Variants in IGSF3 observed in about 807,000 individuals in gnomAD.
IGSF3 encodes the protein immunoglobulin superfamily member 3, also known as glu-Trp-Ile EWI motif-containing protein 3.
IGSF3 carries 23 observed loss-of-function variants against 114.4 expected under a neutral mutation model. The observed-to-expected ratio is 0.20, with a 90% CI of 0.14 to 0.28. The LOEUF (loss-of-function observed/expected upper bound fraction) is 0.28, where lower values mean the gene tolerates loss of function less well. Ranked by LOEUF, IGSF3 falls within the 10% of genes least tolerant of loss-of-function variation. The pLI is 1.00. For synonymous variants in IGSF3, 571 were observed against 645.2 expected (o/e 0.88, Z 1.74); for missense variants, 1,172 against 1,591.5 (o/e 0.74, Z 4.48).
chr1:116,611,111 C>A (rs1410624806), intron 4 of IGSF3, among the ~76,000 whole-genome samples: 1 of 152,202 alleles, frequency 6.6e-6, no homozygotes, highest in African/African-American at 2.4e-5. Context: ...CTCTTTTCTA[C>A]CTGGTCTCTT....
rs1407423793 is a variant in IGSF3, at chr1:116,636,958, T to C, written c.44-20501A>G. Reference sequence around the variant, plus strand: ...CTTGACATTCTTTCAAATCAGGGCATTTTATCTAGAAATTATAAAAAATTG... The same window carrying C: ...CTTGACATTCTTTCAAATCAGGGCACTTTATCTAGAAATTATAAAAAATTG... On this transcript the variant is annotated intron_variant, in intron 2 of 10. Coordinates refer to ENST00000369486, the MANE Select transcript of IGSF3 (RefSeq NM_001007237.3). The surrounding 1 kb of genome is among the most constrained non-coding windows in gnomAD (Gnocchi z 4.5). Among the ~76,000 whole-genome samples the C allele has an allele frequency of 6.6e-6, 1 of 152,244 alleles. No individual in the cohort carries two copies. The highest frequency in any genetic ancestry group is 2.4e-5 in the African/African-American group (1 of 41,466).
intron 7 of IGSF3, 108 bp downstream of exon 7, chr1:116,599,833 A>T: frequency 4.3e-6 from 4 of 929,608 alleles, no homozygotes; most frequent in Non-Finnish European, 6.4e-6. Context: ...CTAAATGAAG[A>T]GCTGGGAAAG....
chr1:116,666,142 T>A (rs1292275249), intron 2 of IGSF3, 142 bp downstream of exon 2: 2 of 781,658 alleles, frequency 2.6e-6, no homozygotes, highest in East Asian at 2.5e-5. Flanking sequence ...CTTCGTACTC[T>A]ACTCCAACCT....
rs538069470 is a variant in IGSF3 at position 116,612,137 on chromosome 1, T to A, written c.832+1628A>T. ...GATTAAAATAAAGAAGATTAACTGA[T>A]GCAACCTAATTTAAAAGCATTAAGA... On this transcript the variant is annotated intron_variant, in intron 4 of 10. Transcript: ENST00000369486. This position sits in a 1 kb window ranked among gnomAD's most constrained non-coding sequence, Gnocchi z 4.1. Among the ~76,000 whole-genome samples, 1 of 151,616 alleles carries A rather than the reference T, an allele frequency of 6.6e-6. No homozygotes were observed. The highest frequency in any genetic ancestry group is 1.5e-5 in the Non-Finnish European group (1 of 68,026).
In IGSF3 at chr1:116,607,799, C is replaced by T; in HGVS notation, c.1222+143G>A. The stretch of plus-strand genomic sequence containing the variant: ...TGGGCTACAACAGGGAAGAGAGGCT[C>T]AATGGTTTTTCCCCCAGCTCTGCAT... On this transcript the variant is annotated intron_variant, in intron 5 of 10. Transcript: ENST00000369486. This position sits in a 1 kb window ranked among gnomAD's most constrained non-coding sequence, Gnocchi z 6.1. 1 of 791,620 alleles carries T rather than the reference C, an allele frequency of 1.3e-6. No individual in the cohort carries two copies. Among genetic ancestry groups the T allele is most frequent in the Non-Finnish European group, 2.1e-6 (1 of 478,456 alleles). The allele number at this position is 791,620 out of a possible 1,614,324, so 49.0% of individuals were successfully genotyped here. A position where few individuals can be genotyped will look rare whatever the true frequency, so the allele number is the denominator to read the frequency against.
rs1465492939 is a variant in IGSF3, at chr1:116,651,847, GTAAT to G, written c.43+14433_43+14436del. On this transcript the variant is annotated intron_variant, in intron 2 of 10. Transcript: ENST00000369486. The surrounding 1 kb of genome is among the most constrained non-coding windows in gnomAD (Gnocchi z 4.4). ...AAAAGTACAATCCAACTTCAGGATTGTAATTAATTATAAATGCATTTATTTGTTT... is the reference window on the plus strand; with the variant it reads ...AAAAGTACAATCCAACTTCAGGATTGTAATTATAAATGCATTTATTTGTTT... Among the ~76,000 whole-genome samples, 1 of 152,150 alleles carries G rather than the reference GTAAT, an allele frequency of 6.6e-6. No homozygotes were observed. Among genetic ancestry groups the G allele is most frequent in the Non-Finnish European group, 1.5e-5 (1 of 68,040 alleles).
chr1:116,577,277 C>A lies in IGSF3; in HGVS notation c.*35G>T. The A allele has an allele frequency of 6.2e-7, 1 of 1,608,168 alleles. No homozygotes were observed. Among genetic ancestry groups the A allele is most frequent in the Non-Finnish European group, 8.5e-7 (1 of 1,176,724 alleles). ...CACAGAGAAAGGGAGAGCCTCAGCT[C>A]CTCCGTGGCCAACATCCGCTGGGGC... On this transcript the variant is annotated 3_prime_UTR_variant, in exon 11 of 11. Transcript: ENST00000369486. This position sits in a 1 kb window ranked among gnomAD's most constrained non-coding sequence, Gnocchi z 5.7.
At chr1:116,639,841 C>G (rs888515350) in intron 2 of IGSF3, among the ~76,000 whole-genome samples, 1 of 152,030 alleles carries the variant, frequency 6.6e-6, no homozygotes, top group Non-Finnish European at 1.5e-5. Context: ...CAAGACCAAT[C>G]TGGCCAACAC....
At chr1:116,580,724 A>G (rs1038013431) in intron 9 of IGSF3, among the ~76,000 whole-genome samples, 3 of 152,246 alleles carry the variant, frequency 2.0e-5, no homozygotes, top group African/African-American at 7.2e-5. Context: ...CACCCAGTCT[A>G]TAGTATTTTG....
Position 116,623,182 on chromosome 1 carries a change from G to A in IGSF3, c.44-6725C>T, listed in dbSNP as rs199575671. ...TGTTTGACCTCTTTCCAGATCAGGT[G>A]ACAGGAAAACACAACACTTGAACCT... On this transcript the variant is annotated intron_variant, in intron 2 of 10. Coordinates refer to ENST00000369486, the MANE Select transcript of IGSF3 (RefSeq NM_001007237.3). 3.2e-4 allele frequency among the ~76,000 whole-genome samples: 48 copies of A among 152,310 alleles called. 1 individual carries two copies. The highest frequency in any genetic ancestry group is 2.6e-3 in the Admixed American group (40 of 15,304).
rs71274759 is a variant in IGSF3, at chr1:116,660,479, CTTTTTTT to C, written c.43+5798_43+5804del. 3.0e-3 allele frequency among the ~76,000 whole-genome samples: 297 copies of C among 99,740 alleles called. 4 individuals carry two copies. In the East Asian group the frequency reaches 0.062, roughly 21 times the overall value. The allele number at this position is 99,740 out of a possible 152,430, so 65.4% of individuals were successfully genotyped here. A position where few individuals can be genotyped will look rare whatever the true frequency, so the allele number is the denominator to read the frequency against. ...CCACACCTGGCCTATGTATGCTTTT[CTTTTTTT>C]TTTTTTTTTTTTTTTTGAGACAGAG... On this transcript the variant is annotated intron_variant, in intron 2 of 10. Transcript: ENST00000369486.
rs1346703840 is a variant in IGSF3, at chr1:116,655,185, A to C, written c.43+11099T>G. On this transcript the variant is annotated intron_variant, in intron 2 of 10. Transcript: ENST00000369486. The surrounding 1 kb of genome is among the most constrained non-coding windows in gnomAD (Gnocchi z 4.3). ...AATTCTGTGGCACCGGAGATAACAG[A>C]ACAATGAATGCTTGTAGCAGGCACT... is the stretch of plus-strand genomic sequence containing the variant. Among the ~76,000 whole-genome samples, 1 of 152,236 alleles carries C rather than the reference A, an allele frequency of 6.6e-6. No homozygotes were observed. Among genetic ancestry groups the C allele is most frequent in the Non-Finnish European group, 1.5e-5 (1 of 68,040 alleles).
chr1:116,601,166 A>G (rs1476652419), intron 6 of IGSF3, among the ~76,000 whole-genome samples: 1 of 152,186 alleles, frequency 6.6e-6, no homozygotes, highest in African/African-American at 2.4e-5. Context: ...AATCCCCAAA[A>G]CAACCTTGTA....
chr1:116,613,451 G>A (rs1661098314), intron 4 of IGSF3, among the ~76,000 whole-genome samples: 1 of 152,122 alleles, frequency 6.6e-6, no homozygotes, highest in Admixed American at 6.5e-5. Flanking sequence ...GATACAAATG[G>A]TTTCTCAGAA....
In IGSF3 at chr1:116,608,099, G is replaced by A. The variant is rs751143665; in HGVS notation, c.1065C>T (p.Ser355=). Residue 355 remains serine, a synonymous_variant, in exon 5 of 11, where the codon AGC becomes AGT. Transcript: ENST00000369486. ...AGATCTTCAGCACAAAGACACTGTC[G>A]CTCTCTTTGGCCACCTTAAGCTGTC... ...ARGQLKVAKE[S]DSVFVLKIYH... is the part of the protein sequence containing the mutation. 1.7e-5 allele frequency: 28 copies of A among 1,613,730 alleles called. No homozygotes were observed. The highest frequency in any genetic ancestry group is 4.5e-5 in the East Asian group (2 of 44,894).
rs773317723 is a variant in IGSF3, at chr1:116,593,963, T to C, written c.2030-4859A>G. 6.6e-6 allele frequency among the ~76,000 whole-genome samples: 1 copy of C among 152,258 alleles called. No homozygotes were observed. Among genetic ancestry groups the C allele is most frequent in the Non-Finnish European group, 1.5e-5 (1 of 68,050 alleles). The stretch of plus-strand genomic sequence containing the variant: ...CTGTGTGACTTTCGAATGACATTCA[T>C]ATGGGCAAAAATTATGCCTCTGGGC... On this transcript the variant is annotated intron_variant, in intron 7 of 10. Coordinates refer to ENST00000369486, the MANE Select transcript of IGSF3 (RefSeq NM_001007237.3). This position sits in a 1 kb window ranked among gnomAD's most constrained non-coding sequence, Gnocchi z 4.5.
intron 9 of IGSF3, among the ~76,000 whole-genome samples, chr1:116,580,439 T>G (rs1659553659): frequency 6.6e-6 from 1 of 152,222 alleles, no homozygotes; most frequent in Non-Finnish European, 1.5e-5. Flanking sequence ...ACGATGTGAC[T>G]ACATTTGGAG....
chr1:116,620,076 T>TTA (rs1049214862), intron 2 of IGSF3, among the ~76,000 whole-genome samples: 237 of 152,100 alleles, frequency 1.6e-3, no homozygotes, highest in African/African-American at 5.3e-3. Context: ...ACTGTAGTAT[T>TTA]TATATATATA....
In IGSF3 at chr1:116,615,339, CTAGT is replaced by C. The variant is rs1320914555; in HGVS notation, c.421+737_421+740del. ...AAAAGGTCTCCTGCTGGGACACAGA[CTAGT>C]TAGAGAAAGTAAAAATAAACAAATG... On this transcript the variant is annotated intron_variant, in intron 3 of 10. Transcript: ENST00000369486. This position sits in a 1 kb window ranked among gnomAD's most constrained non-coding sequence, Gnocchi z 4.3. Among the ~76,000 whole-genome samples, 1 of 151,640 alleles carries C rather than the reference CTAGT, an allele frequency of 6.6e-6. No individual in the cohort carries two copies. The highest frequency in any genetic ancestry group is 1.5e-5 in the Non-Finnish European group (1 of 67,942).
Sources: allele counts gnomAD v4.1 joint callset (sites outside exome capture counted in the v4.1 genomes callset), GRCh38; gene constraint gnomAD v4.1.1; non-coding constraint Gnocchi (gnomAD v3.1); transcripts MANE v1.5; gene names NCBI Gene and HGNC (gene_info 2026-07-23, HGNC 2026-07-21).